The following GRK7 variants were observed in gnomAD, a reference collection of about 807,000 sequenced individuals.
GRK7 encodes G protein-coupled receptor kinase 7, also known as rhodopsin kinase GRK7.
Under a neutral mutation model 34.1 loss-of-function variants are expected in GRK7, and 24 were observed. The observed-to-expected ratio is 0.70, with a 90% CI of 0.51 to 0.99. The LOEUF (loss-of-function observed/expected upper bound fraction) is 0.99. GRK7 is among the 50% of genes least tolerant of loss of function. The pLI is 0.00. For synonymous variants in GRK7, 256 were observed against 279.4 expected, an observed-to-expected ratio of 0.92 and a Z score of 0.84; for missense variants, 644 against 707.3, an observed-to-expected ratio of 0.91 and a Z score of 1.02.
chr3:141,816,215 C>T (rs1711151262), intron 5 of GRK7, among the ~76,000 whole-genome samples: 1 of 152,078 alleles, frequency 6.6e-6, no homozygotes, highest in South Asian at 2.1e-4. Context: ...AAAGAAATAA[C>T]ACCAAGATTA....
At chr3:141,776,936 C>T (rs1324126095) in intron 2 of GRK7, among the ~76,000 whole-genome samples, 1 of 152,140 alleles carries the variant, frequency 6.6e-6, no homozygotes, top group Non-Finnish European at 1.5e-5. Context: ...ATTTTTGGAG[C>T]AGAAGTTCTT....
chr3:141,763,287 G>T (rs1177201232), upstream of GRK7, among the ~76,000 whole-genome samples: 1 of 151,226 alleles, frequency 6.6e-6, no homozygotes, highest in Non-Finnish European at 1.5e-5. Flanking sequence ...TTTTGTGAGG[G>T]CATAAGGCAC....
the GRK7 span, among the ~76,000 whole-genome samples, chr3:141,753,545 C>T: frequency 1.8e-4 from 28 of 152,134 alleles, no homozygotes; most frequent in Admixed American, 4.6e-4. Flanking sequence ...ATAGGGTTGG[C>T]GCTCCCATGA....
At chr3:141,783,667 A>C (rs1006603377) in intron 4 of GRK7, among the ~76,000 whole-genome samples, 1 of 152,012 alleles carries the variant, frequency 6.6e-6, no homozygotes, top group African/African-American at 2.4e-5. Context: ...GAAGGGGGAG[A>C]CTGGTCCCTA....
At chr3:141,754,457 CAG>C in the GRK7 span, among the ~76,000 whole-genome samples, 1 of 115,388 alleles carries the variant, frequency 8.7e-6, no homozygotes, top group African/African-American at 3.5e-5. Context: ...TTTTTTGAGA[CAG>C]GGTCTCACTC....
chr3:141,786,735 G>GC (rs575546498), intron 4 of GRK7, among the ~76,000 whole-genome samples: 13 of 150,988 alleles, frequency 8.6e-5, no homozygotes, highest in Non-Finnish European at 1.6e-4. Flanking sequence ...CCAAGATCAC[G>GC]CCACTGCACT....
intron 4 of GRK7, among the ~76,000 whole-genome samples, chr3:141,789,703 T>C (rs992677099): frequency 2.0e-5 from 3 of 148,990 alleles, no homozygotes; most frequent in Admixed American, 2.0e-4. Flanking sequence ...ATAACTGCTG[T>C]TACCTCAATG....
At chr3:141,789,166 T>A (rs2107883388) in intron 4 of GRK7, among the ~76,000 whole-genome samples, 1 of 152,316 alleles carries the variant, frequency 6.6e-6, no homozygotes, top group East Asian at 1.9e-4. Context: ...AGTAGGTTAC[T>A]GTGATTTACT....
At chr3:141,773,042 A>T (rs2107873510) in intron 1 of GRK7, among the ~76,000 whole-genome samples, 1 of 151,864 alleles carries the variant, frequency 6.6e-6, no homozygotes, top group South Asian at 2.1e-4. Context: ...AGGCTGATGT[A>T]CGAGAATTGC....
chr3:141,809,157 G>A (rs925762911), intron 5 of GRK7, among the ~76,000 whole-genome samples: 26 of 150,024 alleles, frequency 1.7e-4, no homozygotes, highest in Admixed American at 2.7e-4. Context: ...AGCCGAGATC[G>A]CGCCACTGCA....
At chr3:141,785,516 C>T (rs548032352) in intron 4 of GRK7, among the ~76,000 whole-genome samples, 90 of 152,228 alleles carry the variant, frequency 5.9e-4, no homozygotes, top group African/African-American at 2.1e-3. Flanking sequence ...TGTAATCCCA[C>T]ACTTTGGGAG....
At chr3:141,779,575 A>G (rs575558165) in intron 3 of GRK7, among the ~76,000 whole-genome samples, 7 of 152,338 alleles carry the variant, frequency 4.6e-5, no homozygotes, top group Middle Eastern at 3.4e-3. Context: ...TAACTGTTTT[A>G]AAATGTACAA....
chr3:141,807,747 G>A lies in GRK7; in HGVS notation c.1153G>A (p.Val385Ile). Residue 385 changes from valine (V) to isoleucine (I), a missense_variant, in exon 5 of 6, where the codon GTT becomes ATT. Coordinates refer to ENST00000682958, the MANE Select transcript of GRK7 (RefSeq NM_139209.3). The part of the protein sequence containing the change: ...FAMGCSIYEM[V>I]AGRTPFKDYK... ...CATGGGATGCAGCATTTATGAAATGGTTGCTGGACGAACACCATTCAAAGA... is the reference window on the plus strand; with the variant it reads ...CATGGGATGCAGCATTTATGAAATGATTGCTGGACGAACACCATTCAAAGA... 6.2e-7 allele frequency: 1 copy of A among 1,614,100 alleles called. No homozygotes were observed. Among genetic ancestry groups the A allele is most frequent in the Non-Finnish European group, 8.5e-7 (1 of 1,179,940 alleles).
intron 4 of GRK7, among the ~76,000 whole-genome samples, 194 bp downstream of exon 4, chr3:141,781,005 C>T (rs1391605859): frequency 6.6e-6 from 1 of 152,168 alleles, no homozygotes; most frequent in Non-Finnish European, 1.5e-5. Context: ...TTGAGGGCTA[C>T]TTTGCTCTCC....
chr3:141,815,395 T>A (rs1389607740), intron 5 of GRK7, among the ~76,000 whole-genome samples: 1 of 152,200 alleles, frequency 6.6e-6, no homozygotes, highest in Non-Finnish European at 1.5e-5. Flanking sequence ...GGAAGATGTT[T>A]CTTAATCAGA....
chr3:141,772,336 G>T (rs1322687818), intron 1 of GRK7, among the ~76,000 whole-genome samples: 1 of 151,858 alleles, frequency 6.6e-6, no homozygotes, highest in Non-Finnish European at 1.5e-5. Context: ...CTCATGATCC[G>T]CCCACCTTAG....
chr3:141,803,041 G>A (rs758345927), intron 4 of GRK7, among the ~76,000 whole-genome samples: 2 of 152,114 alleles, frequency 1.3e-5, no homozygotes, highest in African/African-American at 4.8e-5. Flanking sequence ...TTTCACACGA[G>A]CACCTTTGAA....
intron 2 of GRK7, among the ~76,000 whole-genome samples, chr3:141,777,491 A>ATTTTCTTT (rs2084645829): frequency 1.2e-5 from 1 of 80,594 alleles, no homozygotes; most frequent in Non-Finnish European, 2.3e-5. Context: ...AGCCCGGCTA[A>ATTTTCTTT]TTTTTTTTTT....
At chr3:141,756,331 G>GAC in the GRK7 span, among the ~76,000 whole-genome samples, 15 of 139,840 alleles carry the variant, frequency 1.1e-4, no homozygotes, top group Admixed American at 1.0e-3. Context: ...AAAAAAGGTG[G>GAC]GGGGGTGAAA....
Sources: gnomAD v4.1 joint callset for allele counts (sites outside exome capture counted in the v4.1 genomes callset) on GRCh38, gnomAD v4.1.1 for gene constraint, MANE v1.5 for transcripts, NCBI Gene and HGNC (gene_info 2026-07-23, HGNC 2026-07-21) for gene names.